Variants in NAALADL2 observed in about 807,000 individuals in gnomAD.
NAALADL2 encodes N-acetylated alpha-linked acidic dipeptidase like 2.
A neutral mutation model predicts 87.2 loss-of-function variants in NAALADL2; 76 were observed. The observed-to-expected ratio is 0.87, with a 90% CI of 0.72 to 1.05. The LOEUF is 1.05. Ranked by LOEUF, NAALADL2 falls within the 50% of genes least tolerant of loss-of-function variation. The pLI is 0.00. For synonymous variants in NAALADL2, 354 were observed against 331.0 expected (o/e 1.07, Z -0.75); for missense variants, 1,089 against 945.8 (o/e 1.15, Z -1.99).
chr3:175,656,707 T>G (rs1731508916), intron 11 of NAALADL2, among the ~76,000 whole-genome samples: 1 of 151,754 alleles, frequency 6.6e-6, no homozygotes, highest in East Asian at 1.9e-4. Flanking sequence ...AGCTTAGTAG[T>G]CTGGTGTGTG....
chr3:175,046,245 C>T (rs907839069), intron 1 of NAALADL2, among the ~76,000 whole-genome samples: 9 of 152,098 alleles, frequency 5.9e-5, no homozygotes, highest in Admixed American at 2.6e-4. Flanking sequence ...AATGCAGATT[C>T]GGAATTAGTG....
At chr3:175,087,400 G>C (rs912479057) in intron 1 of NAALADL2, among the ~76,000 whole-genome samples, 3 of 152,224 alleles carry the variant, frequency 2.0e-5, no homozygotes, top group African/African-American at 7.2e-5. Context: ...CACCCCGTCT[G>C]GGAGGTGTAC....
chr3:175,281,030 T>C (rs1754230060), intron 4 of NAALADL2, among the ~76,000 whole-genome samples: 1 of 151,872 alleles, frequency 6.6e-6, no homozygotes, highest in African/African-American at 2.4e-5. Flanking sequence ...AGGTCATTGA[T>C]GTGTACATTA....
intron 5 of NAALADL2, among the ~76,000 whole-genome samples, chr3:175,334,909 C>T (rs1338343447): frequency 6.6e-6 from 1 of 152,136 alleles, no homozygotes; most frequent in Non-Finnish European, 1.5e-5. Context: ...GTCCAAATGG[C>T]CCGGTCTGTA....
At chr3:175,254,606 G>A (rs1289711679) in intron 3 of NAALADL2, among the ~76,000 whole-genome samples, 2 of 152,118 alleles carry the variant, frequency 1.3e-5, no homozygotes, top group Non-Finnish European at 2.9e-5. Flanking sequence ...TACCAATTGA[G>A]TAATAGCCTT....
Position 175,634,755 on chromosome 3 carries a change from G to T in NAALADL2, c.1896+7369G>T, listed in dbSNP as rs116096319. ...TTCTATTTAAGAAAACAAGTTTAAG[G>T]ATATTCTAATCTGTGTATTTGTACA... On this transcript the variant is annotated intron_variant, in intron 11 of 13. Transcript: ENST00000454872. 2.7e-3 allele frequency among the ~76,000 whole-genome samples: 411 copies of T among 151,942 alleles called. 2 individuals carry two copies. Among genetic ancestry groups the T allele is most frequent in the African/African-American group, 9.5e-3 (393 of 41,508 alleles).
chr3:175,088,406 T>C (rs1184598814), intron 1 of NAALADL2, among the ~76,000 whole-genome samples: 1 of 152,188 alleles, frequency 6.6e-6, no homozygotes, highest in Non-Finnish European at 1.5e-5. Flanking sequence ...CACAGTATCA[T>C]GATATATTAA....
chr3:175,786,342 G>C lies in NAALADL2; in HGVS notation c.2190-16663G>C, dbSNP rs370497120. Among the ~76,000 whole-genome samples the C allele has an allele frequency of 1.2e-4, 19 of 152,226 alleles. No individual in the cohort carries two copies. The East Asian group carries it at 3.7e-3, about 29-fold the overall frequency. ...CCCCATCACTTTCAGGTACACCAAT[G>C]AGATGTAGATTTGGTCTTTTCACAT... On this transcript the variant is annotated intron_variant, in intron 13 of 13. Transcript: ENST00000454872.
At chr3:175,248,534 C>G (rs774787197) in intron 3 of NAALADL2, among the ~76,000 whole-genome samples, 14 of 152,164 alleles carry the variant, frequency 9.2e-5, no homozygotes, top group South Asian at 6.2e-4. Flanking sequence ...ACAAATCTCT[C>G]TCTCTCTCTC....
intron 12 of NAALADL2, among the ~76,000 whole-genome samples, chr3:175,749,947 A>G (rs1418587813): frequency 6.6e-6 from 1 of 152,154 alleles, no homozygotes. Flanking sequence ...GGGTGTTCAG[A>G]AGGAATAAGA....
Position 175,710,408 on chromosome 3 carries a change from G to A in NAALADL2, c.1897-26898G>A, listed in dbSNP as rs531294345. Among the ~76,000 whole-genome samples, 21 of 151,980 alleles carry A rather than the reference G, an allele frequency of 1.4e-4. No individual in the cohort carries two copies. In the East Asian group the frequency reaches 4.1e-3, roughly 29 times the overall value. On this transcript the variant is annotated intron_variant, in intron 11 of 13. Coordinates refer to ENST00000454872, the MANE Select transcript of NAALADL2 (RefSeq NM_207015.3). ...AGAATGGAATATTGAACGCAAAAAA[G>A]GCCAGATAGACATTAATGATTATCA...
intron 11 of NAALADL2, among the ~76,000 whole-genome samples, chr3:175,688,783 T>A (rs1002092689): frequency 6.6e-6 from 1 of 152,086 alleles, no homozygotes; most frequent in African/African-American, 2.4e-5. Flanking sequence ...TTCACTCCTA[T>A]AAGGTACCTG....
intron 8 of NAALADL2, among the ~76,000 whole-genome samples, chr3:175,471,165 T>C (rs966990255): frequency 2.6e-5 from 4 of 152,092 alleles, no homozygotes; most frequent in Non-Finnish European, 5.9e-5. Context: ...GTGTACACTA[T>C]TACATAGTAT....
chr3:175,219,758 A>G (rs1028712619), intron 2 of NAALADL2, among the ~76,000 whole-genome samples: 1 of 151,968 alleles, frequency 6.6e-6, no homozygotes, highest in Non-Finnish European at 1.5e-5. Context: ...AATCTGGGGA[A>G]CAATTGACAT....
intron 11 of NAALADL2, among the ~76,000 whole-genome samples, chr3:175,643,533 T>G (rs1729574494): frequency 6.6e-6 from 1 of 152,194 alleles, no homozygotes; most frequent in East Asian, 1.9e-4. Flanking sequence ...TGACTGAATT[T>G]AGTATTGTAG....
rs182832589 is a variant in NAALADL2 at position 175,560,110 on chromosome 3, G to T, written c.1654-15931G>T. ...GACATTTTTTTATTACAGTTTTGAT[G>T]TCTTTACTTGTTATTGGTCTGTTTT... On this transcript the variant is annotated intron_variant, in intron 9 of 13. Transcript: ENST00000454872. Among the ~76,000 whole-genome samples, 493 of 152,138 alleles carry T rather than the reference G, an allele frequency of 3.2e-3. 5 individuals carry two copies. Among genetic ancestry groups the T allele is most frequent in the African/African-American group, 0.011 (462 of 41,534 alleles).
chr3:175,667,241 A>AAGAGAAAG lies in NAALADL2; in HGVS notation c.1896+39856_1896+39857insGAGAAAGA, dbSNP rs1182682303. The stretch of plus-strand genomic sequence containing the variant: ...AAAGAAAGAAAGAAAGAAAGAAAGA[A>AAGAGAAAG]AAAGAAAGAAAGAAAGAAAGAAAGG... On this transcript the variant is annotated intron_variant, in intron 11 of 13. Coordinates refer to ENST00000454872, the MANE Select transcript of NAALADL2 (RefSeq NM_207015.3). Among the ~76,000 whole-genome samples, 127 of 91,786 alleles carry AAGAGAAAG rather than the reference A, an allele frequency of 1.4e-3. 1 individual carries two copies. The highest frequency in any genetic ancestry group is 4.4e-3 in the African/African-American group (87 of 19,718). The allele number at this position is 91,786 out of a possible 152,430, so 60.2% of individuals were successfully genotyped here. A position where few individuals can be genotyped will look rare whatever the true frequency, so the allele number is the denominator to read the frequency against.
intron 4 of NAALADL2, among the ~76,000 whole-genome samples, chr3:175,281,121 T>A (rs116023132): frequency 0.066 from 9,697 of 147,988 alleles, 322 homozygotes; most frequent in East Asian, 0.15. Flanking sequence ...TTAAAAAAAA[T>A]ATATATATAT....
rs1325977007 is a variant in NAALADL2 at position 175,355,020 on chromosome 3, A to ATGTGTGTG, written c.1090+30696_1090+30697insGTGTGTGT. ...ATTTATATATATAATTGCTATATAT[A>ATGTGTGTG]TATGTGTGTGTGTGTGTGTGTGTGT... On this transcript the variant is annotated intron_variant, in intron 5 of 13. Coordinates refer to ENST00000454872, the MANE Select transcript of NAALADL2 (RefSeq NM_207015.3). 4.9e-3 allele frequency among the ~76,000 whole-genome samples: 496 copies of ATGTGTGTG among 100,612 alleles called. 1 individual carries two copies. The highest frequency in any genetic ancestry group is 0.019 in the African/African-American group (469 of 25,138). 66.0% of individuals were successfully genotyped at this position (100,612 alleles called of 152,430 possible).
Sources: allele counts gnomAD v4.1 joint callset (sites outside exome capture counted in the v4.1 genomes callset), GRCh38; gene constraint gnomAD v4.1.1; transcripts MANE v1.5; gene names NCBI Gene and HGNC (gene_info 2026-07-23, HGNC 2026-07-21).